C8orf34: variants seen among roughly 807,000 people sequenced by gnomAD.
The protein encoded by C8orf34 is chromosome 8 open reading frame 34.
A neutral mutation model predicts 68.3 loss-of-function variants in C8orf34; 65 were observed. The ratio of observed to expected loss-of-function variants is 0.95; its 90% CI spans 0.78 to 1.17. The LOEUF (loss-of-function observed/expected upper bound fraction) is 1.17. Ranked by LOEUF, C8orf34 falls within the 50% of genes most tolerant of loss-of-function variation. C8orf34 has a pLI of 0.00. For synonymous variants in C8orf34, 244 were observed against 241.2 expected, an observed-to-expected ratio of 1.01 and a Z score of -0.11; for missense variants, 664 against 655.4, an observed-to-expected ratio of 1.01 and a Z score of -0.14.
At chr8:68,693,451 A>G (rs1165488920) in intron 8 of C8orf34, among the ~76,000 whole-genome samples, 1 of 152,068 alleles carries the variant, frequency 6.6e-6, no homozygotes, top group African/African-American at 2.4e-5. Context: ...AGCTTTTTCA[A>G]AATCTGAAAA....
intron 8 of C8orf34, among the ~76,000 whole-genome samples, chr8:68,672,270 T>C (rs536294150): frequency 1.3e-5 from 2 of 152,086 alleles, no homozygotes; most frequent in Non-Finnish European, 2.9e-5. Flanking sequence ...TTGACAACTA[T>C]CCACACACAA....
chr8:68,434,907 G>C (rs1054393770), intron 1 of C8orf34, among the ~76,000 whole-genome samples: 1 of 151,854 alleles, frequency 6.6e-6, no homozygotes, highest in Non-Finnish European at 1.5e-5. Context: ...TAATTAGCTG[G>C]GCATGGTGGC....
At chr8:68,782,900 T>A (rs1823720800) in intron 11 of C8orf34, among the ~76,000 whole-genome samples, 1 of 149,578 alleles carries the variant, frequency 6.7e-6, no homozygotes, top group Non-Finnish European at 1.5e-5. Context: ...CTACAATGAG[T>A]TAAAGAAAAA....
chr8:68,703,882 A>G (rs12543018), intron 8 of C8orf34, among the ~76,000 whole-genome samples: 77,635 of 151,870 alleles, frequency 0.51, 20,603 homozygotes, highest in African/African-American at 0.66. Context: ...GGGAGGACCA[A>G]GCTAAGAGCT....
intron 7 of C8orf34, among the ~76,000 whole-genome samples, chr8:68,622,756 TA>T (rs1818425083): frequency 6.6e-6 from 1 of 151,820 alleles, no homozygotes; most frequent in Admixed American, 6.6e-5. Context: ...AACAAAAAAA[TA>T]AAAAAGATGA....
At chr8:68,545,764 G>A (rs903469241) in intron 7 of C8orf34, among the ~76,000 whole-genome samples, 2 of 152,088 alleles carry the variant, frequency 1.3e-5, no homozygotes, top group Non-Finnish European at 2.9e-5. Flanking sequence ...ATACCAGAGG[G>A]AAAATCAGAT....
At chr8:68,798,800 T>A (rs1824250984) in intron 12 of C8orf34, among the ~76,000 whole-genome samples, 1 of 152,194 alleles carries the variant, frequency 6.6e-6, no homozygotes, top group South Asian at 2.1e-4. Context: ...AACTGTGATA[T>A]TATGAAAGGT....
chr8:68,635,539 C>T (rs954734385), intron 7 of C8orf34, among the ~76,000 whole-genome samples: 1 of 152,194 alleles, frequency 6.6e-6, no homozygotes, highest in African/African-American at 2.4e-5. Context: ...TCTTCTTTTA[C>T]ATAATCAACA....
intron 7 of C8orf34, among the ~76,000 whole-genome samples, chr8:68,583,980 A>G (rs1027555522): frequency 6.6e-6 from 1 of 152,138 alleles, no homozygotes; most frequent in African/African-American, 2.4e-5. Context: ...AAGTCTGGTT[A>G]TATCTATATA....
chr8:68,373,894 T>G (rs1461650800), intron 1 of C8orf34, among the ~76,000 whole-genome samples: 1 of 152,164 alleles, frequency 6.6e-6, no homozygotes, highest in Non-Finnish European at 1.5e-5. Flanking sequence ...GGATATATTC[T>G]AGTTCTTTCC....
At chr8:68,391,557 T>G (rs1808478894) in intron 1 of C8orf34, among the ~76,000 whole-genome samples, 1 of 152,194 alleles carries the variant, frequency 6.6e-6, no homozygotes, top group African/African-American at 2.4e-5. Flanking sequence ...TAACTAATTA[T>G]TTATCTTCTT....
intron 4 of C8orf34, among the ~76,000 whole-genome samples, chr8:68,482,938 A>G (rs1388382524): frequency 6.6e-6 from 1 of 152,032 alleles, no homozygotes; most frequent in Non-Finnish European, 1.5e-5. Flanking sequence ...GGCTTAAAAC[A>G]AGAAAGAATT....
chr8:68,760,480 G>A (rs1030748157), intron 10 of C8orf34, among the ~76,000 whole-genome samples: 14 of 152,182 alleles, frequency 9.2e-5, no homozygotes, highest in African/African-American at 2.4e-4. Context: ...TTTCCAGGGA[G>A]TGTTGAATAA....
intron 7 of C8orf34, among the ~76,000 whole-genome samples, chr8:68,537,794 C>T (rs1199162873): frequency 1.3e-5 from 2 of 151,844 alleles, no homozygotes; most frequent in African/African-American, 2.4e-5. Context: ...TCATTCTTCA[C>T]TTTTGTTTTT....
chr8:68,443,945 A>C (rs978330227), intron 2 of C8orf34, among the ~76,000 whole-genome samples: 2 of 148,546 alleles, frequency 1.3e-5, no homozygotes, highest in African/African-American at 5.0e-5. Context: ...AATACTTATG[A>C]ATTTTTTTTT....
chr8:68,343,580 G>C (rs814446), intron 1 of C8orf34, among the ~76,000 whole-genome samples: 89,456 of 150,504 alleles, frequency 0.59, 27,466 homozygotes, highest in African/African-American at 0.77. Flanking sequence ...AGATGATGCT[G>C]TATGCCTAGC....
chr8:68,794,506 T>TATATATATATATACA (rs58048066), intron 12 of C8orf34, among the ~76,000 whole-genome samples: 52 of 58,934 alleles, frequency 8.8e-4, no homozygotes, highest in African/African-American at 1.6e-3. Flanking sequence ...TATATATATA[T>TATATATATATATACA]TTTTTTTTTT....
chr8:68,565,720 G>T (rs1328204457), intron 7 of C8orf34, among the ~76,000 whole-genome samples: 1 of 152,098 alleles, frequency 6.6e-6, no homozygotes, highest in African/African-American at 2.4e-5. Context: ...ATATGATCTG[G>T]CAGTGTGTCT....
At chr8:68,708,026 A>G (rs1484295311) in intron 8 of C8orf34, among the ~76,000 whole-genome samples, 2 of 152,192 alleles carry the variant, frequency 1.3e-5, no homozygotes, top group African/African-American at 4.8e-5. Flanking sequence ...TTCCCAAGAA[A>G]AAATTTAAAA....
Sources: allele counts gnomAD v4.1 joint callset (sites outside exome capture counted in the v4.1 genomes callset), GRCh38; gene constraint gnomAD v4.1.1; transcripts MANE v1.5; gene names NCBI Gene and HGNC (gene_info 2026-07-23, HGNC 2026-07-21).